Variants in HYDIN observed in about 807,000 individuals in gnomAD.
HYDIN encodes HYDIN axonemal central pair apparatus protein, also known as axonemal central pair apparatus protein HYDIN.
HYDIN carries 132 observed loss-of-function variants against 403.9 expected under a neutral mutation model. The ratio of observed to expected loss-of-function variants is 0.33; its 90% CI spans 0.28 to 0.38. The LOEUF is 0.38. Ranked by LOEUF, HYDIN falls within the 10% of genes least tolerant of loss-of-function variation. The probability of loss-of-function intolerance (pLI) is 1.00; values close to 1 mark genes in which losing one functional copy is unlikely to be tolerated. For synonymous variants in HYDIN, 1,202 were observed against 1,891.7 expected (o/e 0.64, Z 9.46); for missense variants, 2,827 against 5,009.5 (o/e 0.56, Z 13.15).
chr16:70,893,034 ACTGCCGTAGG>A (rs2041568328), intron 55 of HYDIN, among the ~76,000 whole-genome samples: 1 of 152,114 alleles, frequency 6.6e-6, no homozygotes, highest in African/African-American at 2.4e-5. Context: ...CGGCAGAGGG[ACTGCCGTAGG>A]CTCAAGATGT....
At chr16:71,228,984 G>T (rs1193377286) in intron 1 of HYDIN, among the ~76,000 whole-genome samples, 5 of 152,174 alleles carry the variant, frequency 3.3e-5, no homozygotes, top group East Asian at 3.9e-4. Flanking sequence ...CCATAAAAAA[G>T]GATGAGTTCA....
At chr16:70,964,704 G>C (rs2078520328) in intron 37 of HYDIN, 24 bp downstream of exon 37, 13 of 1,612,296 alleles carry the variant, frequency 8.1e-6, no homozygotes, top group Non-Finnish European at 1.0e-5. Context: ...TTAGCATGAG[G>C]TGTTCTCCAC....
intron 5 of HYDIN, 24 bp downstream of exon 5, chr16:71,175,583 A>C: frequency 6.2e-7 from 1 of 1,611,528 alleles, no homozygotes; most frequent in Non-Finnish European, 8.5e-7. Flanking sequence ...CAAGTGTCCA[A>C]TTTCTTGCCA....
At chr16:70,854,323 C>T (rs2038875366) in intron 73 of HYDIN, among the ~76,000 whole-genome samples, 1 of 149,876 alleles carries the variant, frequency 6.7e-6, no homozygotes, top group African/African-American at 2.5e-5. Context: ...CAACCTCTGC[C>T]TCCTGGGTTC....
At chr16:70,994,904 TCCA>T (rs2079479349) in intron 23 of HYDIN, among the ~76,000 whole-genome samples, 1 of 149,410 alleles carries the variant, frequency 6.7e-6, no homozygotes, top group East Asian at 2.0e-4. Context: ...CACTCACCCA[TCCA>T]GCCTTTGCAC....
intron 3 of HYDIN, among the ~76,000 whole-genome samples, chr16:71,184,539 TAC>T (rs2144662990): frequency 6.6e-6 from 1 of 152,290 alleles, no homozygotes; most frequent in South Asian, 2.1e-4. Flanking sequence ...GATTACTTGT[TAC>T]ACTAAGACAA....
At position 71,178,419 on chromosome 16, in the gene HYDIN, C is replaced by CAAA. The variant is rs72161442; in HGVS notation, c.381+506_381+508dup. The stretch of plus-strand genomic sequence containing the variant: ...GGGAAACAAGAGTGAAACTCTGTCT[C>CAAA]AAAAAAAAAAAAAAAATATATATAT... On this transcript the variant is annotated intron_variant, in intron 4 of 85. Transcript: ENST00000393567. 2.5e-3 allele frequency among the ~76,000 whole-genome samples: 316 copies of CAAA among 123,974 alleles called. 2 individuals carry two copies. Among genetic ancestry groups the CAAA allele is most frequent in the South Asian group, 0.014 (54 of 3,902 alleles). 81.3% of individuals were successfully genotyped at this position (123,974 alleles called of 152,430 possible). A position where few individuals can be genotyped will look rare whatever the true frequency, so the allele number is the denominator to read the frequency against.
intron 42 of HYDIN, among the ~76,000 whole-genome samples, chr16:70,942,056 A>C (rs2077695377): frequency 8.0e-6 from 1 of 125,346 alleles, no homozygotes; most frequent in African/African-American, 3.2e-5. Context: ...TCCCTCGGTC[A>C]CTCCAGCGCC....
intron 1 of HYDIN, among the ~76,000 whole-genome samples, chr16:71,195,038 A>T (rs966618519): frequency 4.6e-5 from 7 of 152,216 alleles, no homozygotes; most frequent in Non-Finnish European, 1.0e-4. Flanking sequence ...AGTCACACAG[A>T]TCAGCCCTAT....
At chr16:71,080,894 T>C (rs1401094010) in intron 12 of HYDIN, 2 of 151,430 alleles carry the variant, frequency 1.3e-5, no homozygotes, top group African/African-American at 4.9e-5. Flanking sequence ...ATCTGAGAAC[T>C]CAACCTGGCT....
chr16:71,098,428 TC>T (rs2083348346), intron 10 of HYDIN, among the ~76,000 whole-genome samples: 1 of 151,638 alleles, frequency 6.6e-6, no homozygotes, highest in Admixed American at 6.6e-5. Context: ...GGTCTCGATC[TC>T]CCAACCTCAA....
At chr16:71,027,556 T>C (rs1836880470) in intron 20 of HYDIN, 46 bp downstream of exon 20, 2 of 1,612,658 alleles carry the variant, frequency 1.2e-6, no homozygotes, top group Non-Finnish European at 8.5e-7. Context: ...ACAGTAGAGA[T>C]TTATTTAGGA....
At chr16:71,026,938 G>T (rs2080725964) in intron 20 of HYDIN, among the ~76,000 whole-genome samples, 1 of 152,092 alleles carries the variant, frequency 6.6e-6, no homozygotes, top group African/African-American at 2.4e-5. Context: ...TCTGCATTTT[G>T]TCGGGAGGGA....
At chr16:71,078,484 A>G (rs1184665062) in intron 13 of HYDIN, among the ~76,000 whole-genome samples, 1 of 151,856 alleles carries the variant, frequency 6.6e-6, no homozygotes, top group Non-Finnish European at 1.5e-5. Flanking sequence ...GTTCCTAATA[A>G]GAGTTATGAG....
At chr16:70,993,442 G>T (rs1487178773) in intron 23 of HYDIN, among the ~76,000 whole-genome samples, 1 of 151,924 alleles carries the variant, frequency 6.6e-6, no homozygotes, top group Non-Finnish European at 1.5e-5. Flanking sequence ...TTGGAAACAT[G>T]TACAAATTTG....
intron 43 of HYDIN, among the ~76,000 whole-genome samples, chr16:70,939,665 G>A (rs1444769595): frequency 6.6e-6 from 1 of 151,776 alleles, no homozygotes; most frequent in Non-Finnish European, 1.5e-5. Flanking sequence ...AAAGATGTTA[G>A]GACTTCTGAC....
intron 42 of HYDIN, among the ~76,000 whole-genome samples, chr16:70,942,289 T>C (rs886593974): frequency 6.6e-6 from 1 of 151,506 alleles, no homozygotes; most frequent in Non-Finnish European, 1.5e-5. Flanking sequence ...CCTCCCAAAG[T>C]GCTGGAATTA....
At chr16:71,169,959 A>G (rs945201009) in intron 5 of HYDIN, among the ~76,000 whole-genome samples, 7 of 152,324 alleles carry the variant, frequency 4.6e-5, no homozygotes, top group Admixed American at 3.3e-4. Flanking sequence ...TGTCAATTAC[A>G]AATAATTATT....
chr16:70,863,109 T>C lies in HYDIN; in HGVS notation c.11545A>G (p.Ser3849Gly). Residue 3849 changes from serine (S) to glycine (G), a missense_variant, in exon 68 of 86, where the codon AGC (serine) becomes GGC (glycine). Physicochemically the swap from Ser to Gly is moderately conservative, Grantham distance 56. Transcript: ENST00000393567. ...WVSEDTSKAVSFAKPDHQGSA... is the reference protein window; with the variant it reads ...WVSEDTSKAVGFAKPDHQGSA... ...CCTTGGTGATCTGGTTTTGCAAAGC[T>C]GACTGCCTTTGAGGTATCTTCTGAG... 3.1e-6 allele frequency: 5 copies of C among 1,614,156 alleles called. No homozygotes were observed. Among genetic ancestry groups the C allele is most frequent in the Non-Finnish European group, 4.2e-6 (5 of 1,179,982 alleles).
Sources: allele counts gnomAD v4.1 joint callset (sites outside exome capture counted in the v4.1 genomes callset), GRCh38; gene constraint gnomAD v4.1.1; transcripts MANE v1.5; gene names NCBI Gene and HGNC (gene_info 2026-07-23, HGNC 2026-07-21).